PBX1: variants seen among roughly 807,000 people sequenced by gnomAD.
PBX1 encodes the protein pre-B-cell leukemia transcription factor 1.
PBX1 carries 6 observed loss-of-function variants against 53.4 expected under a neutral mutation model. That is an observed-to-expected ratio of 0.11 (90% confidence interval 0.06 to 0.22). PBX1 has a LOEUF of 0.22. Ranked by LOEUF, PBX1 falls within the 10% of genes least tolerant of loss-of-function variation. PBX1 has a pLI of 1.00. For missense variants in PBX1, 251 were observed against 551.4 expected (o/e 0.46, Z 5.46); for synonymous variants, 204 against 212.3 (o/e 0.96, Z 0.34).
At chr1:164,800,074 G>A (rs1668993363) in intron 4 of PBX1, among the ~76,000 whole-genome samples, 185 bp downstream of exon 4, 1 of 152,188 alleles carries the variant, frequency 6.6e-6, no homozygotes, top group South Asian at 2.1e-4. Context: ...AAAATACATG[G>A]TTGGAGGGGA....
intron 2 of PBX1, among the ~76,000 whole-genome samples, chr1:164,876,732 C>T (rs1451724363): frequency 6.6e-6 from 1 of 152,122 alleles, no homozygotes; most frequent in Non-Finnish European, 1.5e-5. Flanking sequence ...CTGTTTTCTT[C>T]TTTGCATTCT....
chr1:164,688,469 T>C (rs776398777), intron 2 of PBX1, among the ~76,000 whole-genome samples: 33 of 152,182 alleles, frequency 2.2e-4, no homozygotes, highest in Non-Finnish European at 4.7e-4. Context: ...TTCCATAGCA[T>C]TGCAAAACTT....
downstream of PBX1, among the ~76,000 whole-genome samples, chr1:164,855,869 C>G (rs1052662757): frequency 6.6e-5 from 10 of 152,184 alleles, no homozygotes; most frequent in African/African-American, 2.4e-4. Context: ...TTGAAATATT[C>G]ATGTCTTTGT....
intron 2 of PBX1, among the ~76,000 whole-genome samples, chr1:164,663,672 G>A (rs61803807): frequency 0.032 from 4,899 of 152,266 alleles, 117 homozygotes; most frequent in East Asian, 0.09. Flanking sequence ...CTTTTTGAGT[G>A]CTCCTCAATG....
chr1:164,571,288 T>C (rs1195379653), intron 2 of PBX1, among the ~76,000 whole-genome samples: 1 of 152,210 alleles, frequency 6.6e-6, no homozygotes, highest in Non-Finnish European at 1.5e-5. Context: ...TTTAGAACAT[T>C]TTTATCAGCC....
intron 2 of PBX1, among the ~76,000 whole-genome samples, chr1:164,616,487 C>T (rs867214702): frequency 6.6e-6 from 1 of 152,094 alleles, no homozygotes; most frequent in South Asian, 2.1e-4. Flanking sequence ...GAAATATATT[C>T]CTGGAAATAT....
chr1:164,640,064 A>T (rs1384584986), intron 2 of PBX1, among the ~76,000 whole-genome samples: 1 of 152,172 alleles, frequency 6.6e-6, no homozygotes, highest in Non-Finnish European at 1.5e-5. Flanking sequence ...GCCGCCAAGG[A>T]GTCTGAGCGT....
At chr1:164,883,499 C>T (rs1244053622) in intron 2 of PBX1, among the ~76,000 whole-genome samples, 1 of 152,164 alleles carries the variant, frequency 6.6e-6, no homozygotes, top group African/African-American at 2.4e-5. Flanking sequence ...CACCCTAACA[C>T]AATAGTCCTC....
intron 2 of PBX1, among the ~76,000 whole-genome samples, chr1:164,724,990 G>A (rs988012977): frequency 4.0e-5 from 6 of 151,748 alleles, no homozygotes; most frequent in South Asian, 2.1e-4. Flanking sequence ...GTCCTTTTTC[G>A]GTTTTTGAAT....
chr1:164,591,562 A>G (rs1290114997), intron 2 of PBX1, among the ~76,000 whole-genome samples: 1 of 152,216 alleles, frequency 6.6e-6, no homozygotes, highest in African/African-American at 2.4e-5. Context: ...TTTGCATACA[A>G]TAAATGTTCT....
intron 8 of PBX1, among the ~76,000 whole-genome samples, chr1:164,844,811 C>CAG (rs949014470): frequency 3.3e-5 from 5 of 152,262 alleles, no homozygotes; most frequent in Non-Finnish European, 7.4e-5. Flanking sequence ...GGTTATACTA[C>CAG]AGAGTCTTTG....
intron 2 of PBX1, among the ~76,000 whole-genome samples, chr1:164,589,788 A>T (rs1333220066): frequency 6.6e-6 from 1 of 152,176 alleles, no homozygotes; most frequent in Non-Finnish European, 1.5e-5. Context: ...AGGTGAAGTG[A>T]CTTTTCCAAG....
chr1:164,566,159 A>T (rs1450987999), intron 2 of PBX1, among the ~76,000 whole-genome samples: 1 of 152,202 alleles, frequency 6.6e-6, no homozygotes, highest in Non-Finnish European at 1.5e-5. Context: ...AAAAATACAT[A>T]CACACATGCA....
At chr1:164,616,827 A>G (rs1384609673) in intron 2 of PBX1, among the ~76,000 whole-genome samples, 2 of 152,218 alleles carry the variant, frequency 1.3e-5, no homozygotes, top group Non-Finnish European at 2.9e-5. Flanking sequence ...ACCCATTGAC[A>G]TAGATCATTT....
chr1:164,781,314 C>T (rs1667922673), intron 2 of PBX1, among the ~76,000 whole-genome samples: 1 of 152,088 alleles, frequency 6.6e-6, no homozygotes, highest in South Asian at 2.1e-4. Context: ...GGTGATTTCT[C>T]CTCTAAGTAG....
intron 2 of PBX1, among the ~76,000 whole-genome samples, chr1:164,568,668 G>C (rs1405917998): frequency 2.0e-5 from 3 of 152,098 alleles, no homozygotes; most frequent in Non-Finnish European, 4.4e-5. Context: ...TATTTCACAG[G>C]ATATCACTGC....
intron 2 of PBX1, among the ~76,000 whole-genome samples, chr1:164,731,620 GCTGTC>G (rs1354394243): frequency 6.6e-6 from 1 of 152,196 alleles, no homozygotes; most frequent in Non-Finnish European, 1.5e-5. Context: ...TTAATCAGAT[GCTGTC>G]AGATGAATTC....
intron 2 of PBX1, among the ~76,000 whole-genome samples, chr1:164,597,806 AT>A (rs959022390): frequency 6.6e-6 from 1 of 152,094 alleles, no homozygotes; most frequent in Non-Finnish European, 1.5e-5. Flanking sequence ...TTGGCCTTAA[AT>A]TTTTTATTTA....
chr1:164,810,825 C>CT, intron 5 of PBX1, among the ~76,000 whole-genome samples: 1 of 151,846 alleles, frequency 6.6e-6, no homozygotes, highest in Non-Finnish European at 1.5e-5. Context: ...GAATTTTTTT[C>CT]TTTTTTGTTT....
Sources: allele counts gnomAD v4.1 joint callset (sites outside exome capture counted in the v4.1 genomes callset), GRCh38; gene constraint gnomAD v4.1.1; transcripts MANE v1.5; gene names NCBI Gene and HGNC (gene_info 2026-07-23, HGNC 2026-07-21).